Variants in ANKRD18A observed in about 807,000 individuals in gnomAD.
The protein encoded by ANKRD18A is ankyrin repeat domain-containing protein 18A.
ANKRD18A carries 72 observed loss-of-function variants against 110.6 expected under a neutral mutation model. The ratio of observed to expected loss-of-function variants is 0.65; its 90% CI spans 0.54 to 0.79. The LOEUF (loss-of-function observed/expected upper bound fraction) is 0.79. ANKRD18A is among the 30% of genes least tolerant of loss of function. ANKRD18A has a pLI of 0.00. For missense variants in ANKRD18A, 934 were observed against 1,163.3 expected, an observed-to-expected ratio of 0.80 and a Z score of 2.87; for synonymous variants, 305 against 410.3, an observed-to-expected ratio of 0.74 and a Z score of 3.10.
In ANKRD18A at chr9:38,610,903, T is replaced by A. The variant is rs1043291950; in HGVS notation, c.602+312A>T. On this transcript the variant is annotated intron_variant, in intron 4 of 15. Transcript: ENST00000399703. The stretch of plus-strand genomic sequence containing the variant: ...AATGGTAATAGTAGTAGTTGTAAAC[T>A]GAAAGTTAAAGTCTACACTTCATAA... Among the ~76,000 whole-genome samples, 75 of 144,844 alleles carry A rather than the reference T, an allele frequency of 5.2e-4. 1 individual carries two copies. The highest frequency in any genetic ancestry group is 1.1e-3 in the Admixed American group (16 of 14,638).
At chr9:38,608,614 TATA>T (rs971597540) in intron 5 of ANKRD18A, among the ~76,000 whole-genome samples, 82 of 146,020 alleles carry the variant, frequency 5.6e-4, no homozygotes, top group Admixed American at 2.9e-3. Flanking sequence ...TATATATATT[TATA>T]ATAATAATAT....
intron 10 of ANKRD18A, among the ~76,000 whole-genome samples, chr9:38,591,135 T>TTC (rs1164281339): frequency 6.6e-6 from 1 of 151,392 alleles, no homozygotes; most frequent in African/African-American, 2.4e-5. Flanking sequence ...CTGTTTAATT[T>TTC]TTTTTTTTTT....
chr9:38,588,237 C>T (rs1824470091), intron 11 of ANKRD18A, among the ~76,000 whole-genome samples: 1 of 152,034 alleles, frequency 6.6e-6, no homozygotes, highest in South Asian at 2.1e-4. Context: ...TGACTTCCAC[C>T]CCGTTTCTCC....
At chr9:38,566,793 A>G (rs1332086856), downstream of ANKRD18A, 1 of 152,198 alleles carries the variant, frequency 6.6e-6, no homozygotes, top group South Asian at 2.1e-4. Context: ...AGAGGAAAAC[A>G]TGCAGAGTAG....
At chr9:38,589,601 C>T (rs10973928) in intron 10 of ANKRD18A, among the ~76,000 whole-genome samples, 25,144 of 151,332 alleles carry the variant, frequency 0.17, 2,336 homozygotes, top group East Asian at 0.42. Flanking sequence ...ATGTTGAGTC[C>T]GCTGGGTCTG....
chr9:38,611,379 T>C, intron 3 of ANKRD18A, 58 bp from the exon 4 acceptor site: 4 of 1,500,002 alleles, frequency 2.7e-6, no homozygotes, highest in Non-Finnish European at 3.5e-6. Flanking sequence ...TCCACTGAAC[T>C]AAAAATCTTC....
intron 3 of ANKRD18A, among the ~76,000 whole-genome samples, chr9:38,613,093 T>C (rs2763813): frequency 2.5e-3 from 372 of 151,348 alleles, no homozygotes; most frequent in East Asian, 0.022. Context: ...TGAAAATATA[T>C]TATAAAAAAG....
rs1464693116 is a variant in ANKRD18A at position 38,620,461 on chromosome 9, G to A, written c.-176C>T. On this transcript the variant is annotated 5_prime_UTR_variant, in exon 1 of 16. Coordinates refer to ENST00000399703, the MANE Select transcript of ANKRD18A (RefSeq NM_147195.4). Reference sequence around the variant, plus strand: ...ACCCCCAAACCCGCAATGTAGCTCAGAATCCGCGATCCAGCCCGGTCCACC... The same window carrying A: ...ACCCCCAAACCCGCAATGTAGCTCAAAATCCGCGATCCAGCCCGGTCCACC... 3.7e-5 allele frequency: 53 copies of A among 1,420,144 alleles called. No homozygotes were observed. Among genetic ancestry groups the A allele is most frequent in the South Asian group, 1.1e-4 (7 of 66,386 alleles). The allele number at this position is 1,420,144 out of a possible 1,614,324, so 88.0% of individuals were successfully genotyped here.
intron 10 of ANKRD18A, among the ~76,000 whole-genome samples, chr9:38,589,564 G>A (rs2477416): frequency 0.011 from 1,663 of 152,310 alleles, 23 homozygotes; most frequent in African/African-American, 0.038. Flanking sequence ...GTCAAGTGCT[G>A]TCTTTGTTCT....
chr9:38,589,811 C>T (rs1233013114), intron 10 of ANKRD18A, among the ~76,000 whole-genome samples: 7 of 152,184 alleles, frequency 4.6e-5, no homozygotes, highest in Non-Finnish European at 1.0e-4. Context: ...GAATTACAGG[C>T]GTGAGCCACC....
At chr9:38,605,148 C>T (rs1242094840) in intron 6 of ANKRD18A, among the ~76,000 whole-genome samples, 1 of 152,178 alleles carries the variant, frequency 6.6e-6, no homozygotes, top group Non-Finnish European at 1.5e-5. Context: ...ACAGTAAGCA[C>T]TATTTCAGGT....
chr9:38,616,122 T>C (rs1825848428), intron 1 of ANKRD18A, 78 bp from the exon 2 acceptor site: 2 of 1,155,616 alleles, frequency 1.7e-6, no homozygotes, highest in East Asian at 5.3e-5. Context: ...ATTGTAAACA[T>C]TGAATGGCAT....
chr9:38,570,484 C>A (rs891671169), downstream of ANKRD18A, among the ~76,000 whole-genome samples: 2 of 152,210 alleles, frequency 1.3e-5, no homozygotes, highest in African/African-American at 4.8e-5. Context: ...AAGAGCACCA[C>A]TGACCAGGTC....
rs1199657339 is a variant in ANKRD18A, at chr9:38,575,612, C to T, written c.2828G>A (p.Arg943Lys). Residue 943 changes from arginine (R) to lysine (K), a missense_variant, in exon 15 of 16, where the codon AGG becomes AAG. Arg to Lys is a conservative substitution (Grantham distance 26). Coordinates refer to ENST00000399703, the MANE Select transcript of ANKRD18A (RefSeq NM_147195.4). ...AACACAAGGTAACTCTGGTTCTGGC[C>T]TTGTAGGAAGAGTGCTGAGAAAATA... ...MKYFLSTLPT[R>K]PEPELPCVEN... 3 of 1,551,530 alleles carry T rather than the reference C, an allele frequency of 1.9e-6. No homozygotes were observed. The highest frequency in any genetic ancestry group is 2.6e-6 in the Non-Finnish European group (3 of 1,146,860).
chr9:38,601,757 C>T (rs758779682), intron 7 of ANKRD18A, among the ~76,000 whole-genome samples: 21 of 151,910 alleles, frequency 1.4e-4, no homozygotes, highest in Non-Finnish European at 2.5e-4. Context: ...TTGGAAGGCC[C>T]AGGTGGGATA....
chr9:38,603,491 C>T (rs990771136), intron 6 of ANKRD18A, among the ~76,000 whole-genome samples: 10 of 152,156 alleles, frequency 6.6e-5, no homozygotes, highest in African/African-American at 2.4e-4. Context: ...CCAAATCCTG[C>T]CTACCATATG....
At chr9:38,592,386 A>C (rs2118759934) in intron 10 of ANKRD18A, among the ~76,000 whole-genome samples, 1 of 152,346 alleles carries the variant, frequency 6.6e-6, no homozygotes, top group South Asian at 2.1e-4. Flanking sequence ...TTAAGGGCTA[A>C]GTTGTTCTGA....
rs631327 is a variant in ANKRD18A at position 38,603,387 on chromosome 9, C to T, written c.809-175G>A. ...AGTGAATGGCATCTAATGAACATAC[C>T]AAATACACAGTAAATAATAACTATA... is the stretch of plus-strand genomic sequence containing the variant. On this transcript the variant is annotated intron_variant, in intron 6 of 15. Coordinates refer to ENST00000399703, the MANE Select transcript of ANKRD18A (RefSeq NM_147195.4). Among the ~76,000 whole-genome samples the T allele has an allele frequency of 0.28, 43,051 of 151,982 alleles. 6,729 individuals carry two copies. The highest frequency in any genetic ancestry group is 0.44 in the East Asian group (2,277 of 5,144).
chr9:38,590,540 C>T (rs1279548872), intron 10 of ANKRD18A, among the ~76,000 whole-genome samples: 2 of 152,208 alleles, frequency 1.3e-5, no homozygotes, highest in African/African-American at 4.8e-5. Context: ...ATGTGAGCCA[C>T]GGCACCCAGC....
Sources: allele counts gnomAD v4.1 joint callset (sites outside exome capture counted in the v4.1 genomes callset), GRCh38; gene constraint gnomAD v4.1.1; transcripts MANE v1.5; gene names NCBI Gene and HGNC (gene_info 2026-07-23, HGNC 2026-07-21).